Variants in PRKACB observed in about 807,000 individuals in gnomAD.
The protein encoded by PRKACB is protein kinase cAMP-activated catalytic subunit beta, also known as cAMP-dependent protein kinase catalytic subunit beta.
In PRKACB, 16 loss-of-function variants were observed where a neutral mutation model predicts 51.4. The ratio of observed to expected loss-of-function variants is 0.31; its 90% CI spans 0.21 to 0.47. The LOEUF (loss-of-function observed/expected upper bound fraction) is 0.47. Among genes scored for constraint, PRKACB ranks in the 20% least tolerant of loss-of-function variants. The pLI, the probability that PRKACB is intolerant of heterozygous loss-of-function variation, is 1.00. For missense variants in PRKACB, 309 were observed against 464.5 expected, an observed-to-expected ratio of 0.67 and a Z score of 3.08; for synonymous variants, 147 against 154.4, an observed-to-expected ratio of 0.95 and a Z score of 0.35.
upstream of PRKACB, among the ~76,000 whole-genome samples, chr1:84,141,055 ATATTTTGTGG>A (rs547058659): frequency 1.9e-3 from 284 of 152,206 alleles, 1 homozygote; most frequent in African/African-American, 6.5e-3. Flanking sequence ...AAAGAAACCA[ATATTTTGTGG>A]TATTTTGTGG....
At chr1:84,158,815 A>G (rs1233848822) in intron 1 of PRKACB, among the ~76,000 whole-genome samples, 3 of 152,126 alleles carry the variant, frequency 2.0e-5, no homozygotes, top group Admixed American at 6.6e-5. Flanking sequence ...ATTTTTATAT[A>G]TGTTGTGAAG....
At chr1:84,146,744 T>G (rs1489358481) in intron 1 of PRKACB, among the ~76,000 whole-genome samples, 2 of 151,972 alleles carry the variant, frequency 1.3e-5, no homozygotes, top group Admixed American at 1.3e-4. Flanking sequence ...AGTTACCAAT[T>G]TAGGAGACAT....
chr1:84,175,807 G>A, intron 1 of PRKACB: 1 of 1,567,320 alleles, frequency 6.4e-7, no homozygotes, highest in Non-Finnish European at 8.6e-7. Flanking sequence ...AGATTCCTTT[G>A]GTATGCTCAT....
chr1:84,109,057 C>T (rs1279151146), intron 1 of PRKACB, among the ~76,000 whole-genome samples: 2 of 151,934 alleles, frequency 1.3e-5, no homozygotes, highest in East Asian at 3.9e-4. Context: ...TTGTGGGATT[C>T]ATTCCTCTTG....
chr1:84,197,954 T>G (rs1419377843), intron 7 of PRKACB, 130 bp downstream of exon 7: 3 of 601,640 alleles, frequency 5.0e-6, no homozygotes, highest in Non-Finnish European at 8.2e-6. Flanking sequence ...TTAAATCTAT[T>G]TGTGCATGAT....
intron 1 of PRKACB, among the ~76,000 whole-genome samples, chr1:84,123,095 C>A (rs529756574): frequency 6.6e-6 from 1 of 152,258 alleles, no homozygotes; most frequent in African/African-American, 2.4e-5. Flanking sequence ...TGATTTAAAA[C>A]AGGGTCAGTT....
chr1:84,150,932 C>T (rs1271010239), intron 1 of PRKACB, among the ~76,000 whole-genome samples: 1 of 152,000 alleles, frequency 6.6e-6, no homozygotes, highest in African/African-American at 2.4e-5. Flanking sequence ...TTCCTCCCTC[C>T]CCCTCAGCTT....
At chr1:84,188,306 T>G (rs1382350060) in intron 5 of PRKACB, among the ~76,000 whole-genome samples, 1 of 151,938 alleles carries the variant, frequency 6.6e-6, no homozygotes, top group Non-Finnish European at 1.5e-5. Context: ...TCTTAATTAG[T>G]ATTTTCATAT....
chr1:84,103,566 C>T (rs1469312628), intron 1 of PRKACB, among the ~76,000 whole-genome samples: 2 of 152,270 alleles, frequency 1.3e-5, no homozygotes, highest in African/African-American at 4.8e-5. Context: ...TGAAGTGAGC[C>T]AGCAGACCTA....
In PRKACB at chr1:84,180,806, G is replaced by C. The variant is rs1312479808; in HGVS notation, c.250-1394G>C. Among the ~76,000 whole-genome samples the C allele has an allele frequency of 2.6e-5, 4 of 151,906 alleles. No homozygotes were observed. In the East Asian group the frequency reaches 7.7e-4, roughly 29 times the overall value. On this transcript the variant is annotated intron_variant, in intron 2 of 9. Coordinates refer to ENST00000370685, the MANE Select transcript of PRKACB (RefSeq NM_182948.4). ...GACATTGTGTAACATGAAACAATAAGAGAGGTAAGGAAGATAACATATTTT... is the reference window on the plus strand; with the variant it reads ...GACATTGTGTAACATGAAACAATAACAGAGGTAAGGAAGATAACATATTTT...
chr1:84,195,183 C>T (rs1451647834), intron 5 of PRKACB, among the ~76,000 whole-genome samples: 2 of 152,170 alleles, frequency 1.3e-5, no homozygotes, highest in African/African-American at 4.8e-5. Flanking sequence ...ACAATGTTCT[C>T]CTCATTCCTT....
intron 8 of PRKACB, chr1:84,204,579 A>T: frequency 6.8e-7 from 1 of 1,473,586 alleles, no homozygotes; most frequent in East Asian, 2.4e-5. Context: ...TCTCAAGAGG[A>T]CTAAAGGTCA....
chr1:84,154,420 C>CA lies in PRKACB; in HGVS notation c.187+9879dup, dbSNP rs950806323. Among the ~76,000 whole-genome samples the CA allele has an allele frequency of 9.2e-4, 140 of 152,062 alleles. 2 individuals are homozygous for CA. Among genetic ancestry groups the CA allele is most frequent in the African/African-American group, 3.3e-3 (135 of 41,514 alleles). On this transcript the variant is annotated intron_variant, in intron 1 of 9. Coordinates refer to ENST00000370685, the MANE Select transcript of PRKACB (RefSeq NM_182948.4). ...AATATGAAGACTCTTAATCAGTAAT[C>CA]AAAAAAACCCCAAACAAAATAAAAC...
chr1:84,148,918 G>T (rs1654479328), intron 1 of PRKACB, among the ~76,000 whole-genome samples: 1 of 152,102 alleles, frequency 6.6e-6, no homozygotes, highest in African/African-American at 2.4e-5. Context: ...TTAGAAGACA[G>T]CTTGCTACTC....
At chr1:84,078,202 C>T in exon 1 of PRKACB, 1 of 1,129,572 alleles carries the variant, frequency 8.9e-7, no homozygotes, top group Non-Finnish European at 1.2e-6. Context: ...CTCCTGGCGC[C>T]AGCGCTAGGC....
At chr1:84,151,860 G>A (rs2100645567) in intron 1 of PRKACB, among the ~76,000 whole-genome samples, 1 of 152,234 alleles carries the variant, frequency 6.6e-6, no homozygotes, top group South Asian at 2.1e-4. Flanking sequence ...GCATCTATGA[G>A]AGTTGGAAAC....
intron 1 of PRKACB, among the ~76,000 whole-genome samples, chr1:84,124,039 C>T (rs1274689075): frequency 6.6e-6 from 1 of 152,068 alleles, no homozygotes; most frequent in Non-Finnish European, 1.5e-5. Flanking sequence ...GTCTGTGACT[C>T]ATCTTTTAGA....
At chr1:84,117,536 G>C (rs562166136) in intron 1 of PRKACB, among the ~76,000 whole-genome samples, 2 of 152,182 alleles carry the variant, frequency 1.3e-5, no homozygotes, top group South Asian at 4.1e-4. Context: ...TTAGTAAGTT[G>C]TATGTTTCCA....
At chr1:84,234,466 T>C (rs1676364933) in intron 9 of PRKACB, among the ~76,000 whole-genome samples, 1 of 152,264 alleles carries the variant, frequency 6.6e-6, no homozygotes, top group Admixed American at 6.5e-5. Flanking sequence ...CCAGCTGCTT[T>C]GTTTACCTAA....
Sources: gnomAD v4.1 joint callset for allele counts (sites outside exome capture counted in the v4.1 genomes callset) on GRCh38, gnomAD v4.1.1 for gene constraint, MANE v1.5 for transcripts, NCBI Gene and HGNC (gene_info 2026-07-23, HGNC 2026-07-21) for gene names.